MPRIP: variants seen among roughly 807,000 people sequenced by gnomAD.
The protein encoded by MPRIP is myosin phosphatase Rho interacting protein.
A neutral mutation model predicts 234.9 loss-of-function variants in MPRIP; 59 were observed. That is an observed-to-expected ratio of 0.25 (90% CI 0.20 to 0.31). The LOEUF (loss-of-function observed/expected upper bound fraction) is 0.31, where lower values mean the gene tolerates loss of function less well. Among genes scored for constraint, MPRIP ranks in the 10% least tolerant of loss-of-function variants. The probability of loss-of-function intolerance (pLI) is 1.00; values close to 1 mark genes in which losing one functional copy is unlikely to be tolerated. For missense variants in MPRIP, 2,436 were observed against 3,071.0 expected, an observed-to-expected ratio of 0.79 and a Z score of 4.89; for synonymous variants, 1,144 against 1,263.9, an observed-to-expected ratio of 0.91 and a Z score of 2.01.
At position 17,154,566 on chromosome 17, in the gene MPRIP, A is replaced by G; in HGVS notation, c.1829+151A>G. On this transcript the variant is annotated intron_variant, in intron 13 of 23. Transcript: ENST00000651222. ...TCCTTCCTGTGTCCTTCTGTTGCTC[A>G]GGTTCCTGTCCCAAGTAATCAGAAC... 9.2e-6 allele frequency: 6 copies of G among 654,752 alleles called. No homozygotes were observed. In the South Asian group the frequency reaches 1.1e-4, roughly 12 times the overall value. The allele number at this position is 654,752 out of a possible 1,614,324, so 40.6% of individuals were successfully genotyped here.
intron 3 of MPRIP, among the ~76,000 whole-genome samples, chr17:17,117,630 T>A (rs1655549013): frequency 6.6e-6 from 1 of 152,266 alleles, no homozygotes; most frequent in South Asian, 2.1e-4. Context: ...ACATTTGGGC[T>A]GTTTCCACCT....
In MPRIP at chr17:17,075,630, G is replaced by A. The variant is rs535022875; in HGVS notation, c.124-80G>A. On this transcript the variant is annotated intron_variant, in intron 1 of 23. Transcript: ENST00000651222. ...AGCAGAGGCAACATCTGTTTCCAGC[G>A]AGTGCTTGCTGTTAACTTGACCTGT... 132 of 1,193,192 alleles carry A rather than the reference G, an allele frequency of 1.1e-4. No homozygotes were observed. In the African/African-American group the frequency reaches 1.8e-3, roughly 16 times the overall value. 73.9% of individuals were successfully genotyped at this position (1,193,192 alleles called of 1,614,324 possible). A position where few individuals can be genotyped will look rare whatever the true frequency, so the allele number is the denominator to read the frequency against.
Position 17,180,044 on chromosome 17 carries a change from G to C in MPRIP, c.7162G>C (p.Asp2388His). 6.3e-7 allele frequency: 1 copy of C among 1,594,448 alleles called. No homozygotes were observed. The highest frequency in any genetic ancestry group is 1.7e-4 in the Middle Eastern group (1 of 6,008). ...AAGCAACCCTGACTTCTTGAAGAAA[G>C]ACAGATCCTGTGTCACCCGGCAACT... ...SKSNPDFLKK[D>H]RSCVTRQLRN... Residue 2388 changes from aspartate (D) to histidine (H), a missense_variant, in exon 23 of 24, where the codon GAC (aspartate) becomes CAC (histidine). Around this residue, in one of 4 missense-constraint regions of MPRIP, gnomAD observed 1,998 missense variants for 2,520.3 expected, o/e 0.79. Coordinates refer to ENST00000651222, the MANE Select transcript of MPRIP (RefSeq NM_001364716.4).
chr17:17,180,778 A>G (rs2046357836), intron 23 of MPRIP: 1 of 1,171,066 alleles, frequency 8.5e-7, no homozygotes, highest in Non-Finnish European at 1.3e-6. Context: ...ACACATACCA[A>G]ATCCAAGTGA....
At chr17:17,119,874 A>C (rs575747436) in intron 3 of MPRIP, among the ~76,000 whole-genome samples, 31 of 152,364 alleles carry the variant, frequency 2.0e-4, no homozygotes, top group African/African-American at 7.2e-4. Flanking sequence ...TTTCATGTGC[A>C]TGTGTGCACT....
intron 3 of MPRIP, among the ~76,000 whole-genome samples, chr17:17,114,711 C>G (rs1014922099): frequency 1.4e-5 from 2 of 144,996 alleles, no homozygotes; most frequent in African/African-American, 5.0e-5. Context: ...CTACCCCCCG[C>G]CCACCCACCA....
chr17:17,097,376 C>G (rs1011842643), intron 3 of MPRIP: 1 of 152,414 alleles, frequency 6.6e-6, no homozygotes, highest in Non-Finnish European at 1.5e-5. Flanking sequence ...GCCTGTAATC[C>G]CAACACTGTG....
intron 3 of MPRIP, among the ~76,000 whole-genome samples, chr17:17,106,372 G>A (rs879935863): frequency 8.5e-5 from 13 of 152,206 alleles, no homozygotes; most frequent in Non-Finnish European, 1.6e-4. Flanking sequence ...TTGATCCTGG[G>A]CAGGCAGCAG....
chr17:17,178,778 C>T (rs2046311486), intron 22 of MPRIP: 1 of 150,820 alleles, frequency 6.6e-6, no homozygotes, highest in Non-Finnish European at 1.5e-5. Flanking sequence ...CTAGCTGGGA[C>T]TGCTGGCATG....
At chr17:17,178,033 A>G (rs971720923) in intron 22 of MPRIP, among the ~76,000 whole-genome samples, 6 of 149,284 alleles carry the variant, frequency 4.0e-5, no homozygotes, top group Admixed American at 2.7e-4. Context: ...GGATTCTCCC[A>G]CCTTAGCCTC....
At chr17:17,119,120 C>T (rs1217687883) in intron 3 of MPRIP, among the ~76,000 whole-genome samples, 1 of 152,204 alleles carries the variant, frequency 6.6e-6, no homozygotes, top group Non-Finnish European at 1.5e-5. Flanking sequence ...TCAGCTGGTG[C>T]TCCCCAAGGG....
In MPRIP at chr17:17,179,974, G is replaced by A. The variant is rs765691726; in HGVS notation, c.7121-29G>A. The A allele has an allele frequency of 5.8e-6, 9 of 1,550,646 alleles. No individual in the cohort carries two copies. The Admixed American group carries it at 7.6e-5, about 13-fold the overall frequency. On this transcript the variant is annotated intron_variant, in intron 22 of 23. Coordinates refer to ENST00000651222, the MANE Select transcript of MPRIP (RefSeq NM_001364716.4). ...AGGGTTTTAGAAAGCAAAGGTAACA[G>A]GTCTGTTTGTTTTCATTATATACCG...
rs1183775467 is a variant in MPRIP, at chr17:17,189,027, T to G, written c.*4133T>G. 6.6e-6 allele frequency: 1 copy of G among 152,124 alleles called. No individual in the cohort carries two copies. The highest frequency in any genetic ancestry group is 1.5e-5 in the Non-Finnish European group (1 of 68,016). 9.4% of individuals were successfully genotyped at this position (152,124 alleles called of 1,614,324 possible). On this transcript the variant is annotated 3_prime_UTR_variant, in exon 24 of 24. Coordinates refer to ENST00000651222, the MANE Select transcript of MPRIP (RefSeq NM_001364716.4). Reference sequence around the variant, plus strand: ...CCAGCTACTCATTCACTGACTTGGGTAAGTTCTAAGACAGTTCGCACTTAG... The same window carrying G: ...CCAGCTACTCATTCACTGACTTGGGGAAGTTCTAAGACAGTTCGCACTTAG...
At chr17:17,126,567 G>A in intron 3 of MPRIP, 135 bp from the exon 4 acceptor site, 2 of 1,014,874 alleles carry the variant, frequency 2.0e-6, no homozygotes, top group Non-Finnish European at 2.8e-6. Flanking sequence ...CAAAGGAAGA[G>A]GAGCTGGGGC....
chr17:17,142,381 CAG>C (rs1178546972), intron 7 of MPRIP: 1 of 453,110 alleles, frequency 2.2e-6, no homozygotes, highest in Non-Finnish European at 4.0e-6. Flanking sequence ...GTCAGCACCA[CAG>C]AGCCTGCAGG....
chr17:17,143,786 C>T (rs925492664), intron 9 of MPRIP, 117 bp downstream of exon 9: 2 of 548,580 alleles, frequency 3.6e-6, no homozygotes, highest in East Asian at 3.5e-5. Context: ...CACAGGCCCT[C>T]GTGTCCGTGA....
At chr17:17,048,953 G>A (rs1053451628) in intron 1 of MPRIP, among the ~76,000 whole-genome samples, 4 of 152,198 alleles carry the variant, frequency 2.6e-5, no homozygotes, top group South Asian at 2.1e-4. Flanking sequence ...CCACTAATGC[G>A]TAGATAAGCA....
In MPRIP at chr17:17,164,207, G is replaced by A; in HGVS notation, c.2616G>A (p.Glu872=). 1 of 1,304,378 alleles carries A rather than the reference G, an allele frequency of 7.7e-7. No individual in the cohort carries two copies. The highest frequency in any genetic ancestry group is 1.0e-6 in the Non-Finnish European group (1 of 988,992). The allele number at this position is 1,304,378 out of a possible 1,614,324, so 80.8% of individuals were successfully genotyped here. ...SELEAQCQRQ[E]LITHQIQTLK... is the part of the protein sequence containing the mutation. ...TTGAAGCCCAGTGCCAGCGCCAGGA[G>A]CTGATTACACACCAGATTCAGACCC... The change falls in exon 16 of 24, where the codon GAG becomes GAA. Residue 872 remains glutamate, a synonymous_variant. Transcript: ENST00000651222.
chr17:17,137,758 C>T (rs796707177), intron 6 of MPRIP, among the ~76,000 whole-genome samples, 158 bp from the exon 7 acceptor site: 6 of 152,208 alleles, frequency 3.9e-5, no homozygotes, highest in Admixed American at 2.0e-4. Flanking sequence ...TGGTTCTTTC[C>T]GTCTCACTCT....
Sources: gnomAD v4.1 joint callset for allele counts (sites outside exome capture counted in the v4.1 genomes callset) on GRCh38, gnomAD v4.1.1 for gene constraint, gnomAD v4.1.1 regional missense constraint, MANE v1.5 for transcripts, NCBI Gene and HGNC (gene_info 2026-07-23, HGNC 2026-07-21) for gene names.